SPOCK3: variants seen among roughly 807,000 people sequenced by gnomAD.
The protein encoded by SPOCK3 is SPARC (osteonectin), cwcv and kazal like domains proteoglycan 3, also known as testican-3.
SPOCK3 carries 30 observed loss-of-function variants against 56.6 expected under a neutral mutation model. That is an observed-to-expected ratio of 0.53 (90% confidence interval 0.40 to 0.72). The LOEUF is 0.72. Among genes scored for constraint, SPOCK3 ranks in the 30% least tolerant of loss-of-function variants. The pLI is 0.00. For synonymous variants in SPOCK3, 196 were observed against 183.3 expected, an observed-to-expected ratio of 1.07 and a Z score of -0.56; for missense variants, 527 against 530.0, an observed-to-expected ratio of 0.99 and a Z score of 0.06.
chr4:166,805,710 T>C (rs915251835), intron 6 of SPOCK3, among the ~76,000 whole-genome samples: 1 of 152,044 alleles, frequency 6.6e-6, no homozygotes, highest in African/African-American at 2.4e-5. Flanking sequence ...AGAAAATTAC[T>C]GTGGGGTAAA....
intron 5 of SPOCK3, among the ~76,000 whole-genome samples, chr4:166,906,481 A>G (rs997474835): frequency 8.2e-6 from 1 of 121,454 alleles, no homozygotes; most frequent in African/African-American, 2.9e-5. Flanking sequence ...GGTTGGCTAC[A>G]TAAAAAAAAA....
chr4:166,984,912 T>C (rs947519795), intron 4 of SPOCK3, among the ~76,000 whole-genome samples: 2 of 152,150 alleles, frequency 1.3e-5, no homozygotes, highest in African/African-American at 2.4e-5. Context: ...TTAATGATCA[T>C]GCTTTTAGTT....
At chr4:166,935,919 A>C (rs74855902) in intron 4 of SPOCK3, among the ~76,000 whole-genome samples, 1 of 152,328 alleles carries the variant, frequency 6.6e-6, no homozygotes, top group East Asian at 1.9e-4. Context: ...AAAAATGATC[A>C]TGATGAATTA....
At chr4:166,994,119 A>G (rs941156811) in intron 4 of SPOCK3, among the ~76,000 whole-genome samples, 1 of 152,142 alleles carries the variant, frequency 6.6e-6, no homozygotes, top group Non-Finnish European at 1.5e-5. Context: ...CAAAGGAACA[A>G]GTGGGCAGGA....
intron 3 of SPOCK3, among the ~76,000 whole-genome samples, chr4:167,003,332 T>C (rs554819637): frequency 2.0e-5 from 3 of 152,176 alleles, no homozygotes; most frequent in East Asian, 3.8e-4. Flanking sequence ...ATCAGATACA[T>C]AGCATGTACA....
At chr4:166,828,078 T>C (rs1560901517) in intron 6 of SPOCK3, among the ~76,000 whole-genome samples, 1 of 152,074 alleles carries the variant, frequency 6.6e-6, no homozygotes, top group Non-Finnish European at 1.5e-5. Flanking sequence ...TTTCCCCTTA[T>C]TTCTTTTTTT....
chr4:167,122,819 G>A (rs957562055), intron 2 of SPOCK3, among the ~76,000 whole-genome samples: 1 of 151,970 alleles, frequency 6.6e-6, no homozygotes, highest in African/African-American at 2.4e-5. Flanking sequence ...CATGAGTGGT[G>A]CTAAAGAACA....
intron 6 of SPOCK3, among the ~76,000 whole-genome samples, chr4:166,829,473 AC>A (rs1745817480): frequency 6.6e-6 from 1 of 151,946 alleles, no homozygotes; most frequent in South Asian, 2.1e-4. Context: ...TTGATTTACC[AC>A]TTTTTTAATC....
At chr4:166,772,750 T>C (rs1462815180) in intron 7 of SPOCK3, among the ~76,000 whole-genome samples, 2 of 152,108 alleles carry the variant, frequency 1.3e-5, no homozygotes, top group Non-Finnish European at 2.9e-5. Context: ...TTCAGATTCC[T>C]AGATATGACT....
At chr4:166,832,640 AGACATG>A (rs1746200914) in intron 6 of SPOCK3, among the ~76,000 whole-genome samples, 2 of 152,206 alleles carry the variant, frequency 1.3e-5, no homozygotes, top group Admixed American at 1.3e-4. Flanking sequence ...ACAATAGCCA[AGACATG>A]GAATGAACCT....
intron 3 of SPOCK3, among the ~76,000 whole-genome samples, chr4:167,028,374 A>AAACAACAACAAC (rs534517585): frequency 2.2e-5 from 3 of 139,126 alleles, no homozygotes; most frequent in Non-Finnish European, 4.6e-5. Context: ...GAAACCGGTA[A>AAACAACAACAAC]AACAACAACA....
At chr4:167,119,210 T>C (rs1249375803) in intron 2 of SPOCK3, among the ~76,000 whole-genome samples, 2 of 152,080 alleles carry the variant, frequency 1.3e-5, no homozygotes, top group Non-Finnish European at 2.9e-5. Context: ...GGCAATTCTA[T>C]AGTTAAATAG....
chr4:166,926,215 G>T (rs928375805), intron 4 of SPOCK3, among the ~76,000 whole-genome samples: 4 of 152,044 alleles, frequency 2.6e-5, no homozygotes, highest in African/African-American at 4.8e-5. Context: ...TGAATAAATG[G>T]TAAAGCTTTA....
intron 2 of SPOCK3, among the ~76,000 whole-genome samples, chr4:167,156,386 T>C (rs1039676804): frequency 2.0e-5 from 3 of 152,184 alleles, no homozygotes; most frequent in African/African-American, 7.2e-5. Context: ...CTCCCAATTA[T>C]GTTGTAACAA....
chr4:166,960,755 G>A (rs7678090), intron 4 of SPOCK3, among the ~76,000 whole-genome samples: 7,821 of 152,256 alleles, frequency 0.051, 653 homozygotes, highest in African/African-American at 0.18. Flanking sequence ...GAATATTTAT[G>A]TGCAAAGAAT....
chr4:167,227,115 A>T (rs1297397055), intron 2 of SPOCK3, among the ~76,000 whole-genome samples: 3 of 152,144 alleles, frequency 2.0e-5, no homozygotes, highest in African/African-American at 7.2e-5. Context: ...AGAGCAACAC[A>T]ATTATGTTGT....
intron 6 of SPOCK3, among the ~76,000 whole-genome samples, chr4:166,825,566 A>G (rs1229154683): frequency 6.6e-6 from 1 of 152,106 alleles, no homozygotes; most frequent in Non-Finnish European, 1.5e-5. Context: ...AAATCATTAC[A>G]TGAAAAAGAC....
At chr4:166,889,830 CAT>C (rs1208293176) in intron 5 of SPOCK3, among the ~76,000 whole-genome samples, 1 of 151,922 alleles carries the variant, frequency 6.6e-6, no homozygotes, top group African/African-American at 2.4e-5. Context: ...TTTCCACAAA[CAT>C]AGCACCATAG....
At chr4:166,994,029 G>C (rs1748090451) in intron 4 of SPOCK3, among the ~76,000 whole-genome samples, 1 of 152,066 alleles carries the variant, frequency 6.6e-6, no homozygotes, top group African/African-American at 2.4e-5. Flanking sequence ...AGACTTCAAA[G>C]CTAGTCCGTC....
Sources: gnomAD v4.1 joint callset for allele counts (sites outside exome capture counted in the v4.1 genomes callset) on GRCh38, gnomAD v4.1.1 for gene constraint, MANE v1.5 for transcripts, NCBI Gene and HGNC (gene_info 2026-07-23, HGNC 2026-07-21) for gene names.